Variants in REV3L observed in about 807,000 individuals in gnomAD.
The protein encoded by REV3L is DNA polymerase zeta catalytic subunit.
In REV3L, 69 loss-of-function variants were observed where a neutral mutation model predicts 299.4. The ratio of observed to expected loss-of-function variants is 0.23; its 90% confidence interval spans 0.19 to 0.28. The LOEUF (loss-of-function observed/expected upper bound fraction) is 0.28. Ranked by LOEUF, REV3L falls within the 10% of genes least tolerant of loss-of-function variation. The pLI is 1.00. For synonymous variants in REV3L, 1,238 were observed against 1,271.4 expected (o/e 0.97, Z 0.56); for missense variants, 3,128 against 3,693.8 (o/e 0.85, Z 3.97).
chr6:111,315,178 A>T, intron 27 of REV3L, 89 bp downstream of exon 27: 2 of 1,058,036 alleles, frequency 1.9e-6, no homozygotes, highest in Non-Finnish European at 2.8e-6. Flanking sequence ...GTATACTGTT[A>T]GTGATTCTGA....
At chr6:111,401,358 G>T (rs1582852606) in intron 4 of REV3L, among the ~76,000 whole-genome samples, 1 of 152,070 alleles carries the variant, frequency 6.6e-6, no homozygotes, top group East Asian at 1.9e-4. Flanking sequence ...AGTCATTATG[G>T]AGAAAAAGCC....
intron 1 of REV3L, among the ~76,000 whole-genome samples, chr6:111,424,655 T>G (rs1405873056): frequency 6.6e-6 from 1 of 152,160 alleles, no homozygotes; most frequent in African/African-American, 2.4e-5. Flanking sequence ...CGGAACCCAT[T>G]TGGAGCTCCT....
chr6:111,392,774 CCAATA>C (rs1169280863), intron 5 of REV3L, 97 bp downstream of exon 5: 1 of 699,502 alleles, frequency 1.4e-6, no homozygotes, highest in African/African-American at 1.8e-5. Flanking sequence ...TTAAAAAGAT[CCAATA>C]CAATAAAAGG....
At position 111,373,893 on chromosome 6, in the gene REV3L, G is replaced by A. The variant is rs369507380; in HGVS notation, c.4462C>T (p.Pro1488Ser). Residue 1488 changes from proline (P) to serine (S), a missense_variant, in exon 13 of 32, where the codon CCT (proline) becomes TCT (serine). Pro to Ser is a moderately conservative substitution (Grantham distance 74). This residue lies in a region of REV3L where 2,409 missense variants were observed against 2,611.8 expected (regional missense o/e 0.92). Coordinates refer to ENST00000368802, the MANE Select transcript of REV3L (RefSeq NM_001372078.1). ...AACGACCTCGGTTTTACTCTTTCAG[G>A]TTTAAAATTTGACATATCTAAAATA... ...GFILDMSNFK[P>S]ERVKPRSLSE... is the part of the protein sequence containing the mutation. 16 of 1,613,908 alleles carry A rather than the reference G, an allele frequency of 9.9e-6. No homozygotes were observed. The African/African-American group carries it at 1.9e-4, about 19-fold the overall frequency.
chr6:111,360,794 A>G (rs1778575196), intron 16 of REV3L: 1 of 152,074 alleles, frequency 6.6e-6, no homozygotes, highest in African/African-American at 2.4e-5. Flanking sequence ...ACTTTTTAAA[A>G]TATAAAGAAC....
At chr6:111,308,272 C>A (rs1241396479) in intron 30 of REV3L, 1 of 453,782 alleles carries the variant, frequency 2.2e-6, no homozygotes, top group African/African-American at 2.0e-5. Flanking sequence ...TTAGGTTAGC[C>A]TCTTACAAAT....
intron 23 of REV3L, among the ~76,000 whole-genome samples, chr6:111,332,123 G>C (rs772963807): frequency 6.6e-6 from 1 of 152,228 alleles, no homozygotes; most frequent in Non-Finnish European, 1.5e-5. Context: ...CCAGGCTGGA[G>C]TGCAGTGGCG....
In REV3L at chr6:111,406,598, A is replaced by T. The variant is rs182324511; in HGVS notation, c.405-968T>A. The stretch of plus-strand genomic sequence containing the variant: ...GGGGTGAAATGATCAGGCCTTGATG[A>T]CTAACTAGATGTGAAGGGTGAGACA... On this transcript the variant is annotated intron_variant, in intron 3 of 31. Transcript: ENST00000368802. 1.9e-3 allele frequency among the ~76,000 whole-genome samples: 292 copies of T among 152,272 alleles called. 1 individual carries two copies. Among genetic ancestry groups the T allele is most frequent in the African/African-American group, 6.6e-3 (276 of 41,556 alleles).
chr6:111,376,084 C>T lies in REV3L; in HGVS notation c.2271G>A (p.Val757=). Residue 757 remains valine, a synonymous_variant, in exon 13 of 32, where the codon GTG becomes GTA. Coordinates refer to ENST00000368802, the MANE Select transcript of REV3L (RefSeq NM_001372078.1). ...LSCSGENRTM[V]HSLNSTADES... ...CATCAGCAGTGCTATTAAGAGAATG[C>T]ACCATAGTTCTATTCTCCCCTGAGC... The T allele has an allele frequency of 6.2e-7, 1 of 1,613,558 alleles. No individual in the cohort carries two copies.
intron 28 of REV3L, chr6:111,312,252 AAT>A (rs1440833015): frequency 6.6e-6 from 1 of 152,168 alleles, no homozygotes; most frequent in Non-Finnish European, 1.5e-5. Flanking sequence ...CTCTTCCAGA[AAT>A]AGTGCTGAAA....
In REV3L at chr6:111,375,427, TATG is replaced by T. The variant is rs1449473767; in HGVS notation, c.2925_2927del (p.Ile976del). 1 of 1,599,650 alleles carries T rather than the reference TATG, an allele frequency of 6.3e-7. No individual in the cohort carries two copies. The highest frequency in any genetic ancestry group is 1.4e-5 in the African/African-American group (1 of 73,692). ...TAAATCTATTAATAATAATATACTT[TATG>T]ATGACAGGGGGCAGCTTTTTAGACA... is the stretch of plus-strand genomic sequence containing the variant. On this transcript the variant is annotated inframe_deletion, in exon 13 of 32. Coordinates refer to ENST00000368802, the MANE Select transcript of REV3L (RefSeq NM_001372078.1).
intron 31 of REV3L, among the ~76,000 whole-genome samples, chr6:111,306,419 G>T (rs1011558788): frequency 6.6e-6 from 1 of 152,146 alleles, no homozygotes; most frequent in Non-Finnish European, 1.5e-5. Flanking sequence ...AGCAGGTAGG[G>T]ACAGAACGGA....
At chr6:111,378,697 A>G (rs1444271093) in intron 11 of REV3L, among the ~76,000 whole-genome samples, 2 of 151,996 alleles carry the variant, frequency 1.3e-5, no homozygotes, top group Non-Finnish European at 2.9e-5. Flanking sequence ...TAATACACAA[A>G]CTCTTTCAAC....
chr6:111,447,474 G>A (rs1320857723), intron 1 of REV3L, among the ~76,000 whole-genome samples: 1 of 152,136 alleles, frequency 6.6e-6, no homozygotes, highest in Admixed American at 6.5e-5. Flanking sequence ...ATTAATTTTC[G>A]TCAAAGTCTA....
At chr6:111,463,759 T>A (rs1336992212) in intron 1 of REV3L, among the ~76,000 whole-genome samples, 1 of 152,218 alleles carries the variant, frequency 6.6e-6, no homozygotes, top group African/African-American at 2.4e-5. Context: ...TTTCATTATA[T>A]GTGATTTCAC....
At chr6:111,422,665 T>TATATATATATATACATATATATATACAC (rs1562287965) in intron 1 of REV3L, among the ~76,000 whole-genome samples, 1 of 37,454 alleles carries the variant, frequency 2.7e-5, no homozygotes, top group African/African-American at 5.8e-5. Context: ...TATATATACA[T>TATATATATATATACATATATATATACAC]ATATATATAT....
chr6:111,316,679 A>AAAAAAAAAAG (rs1773564146), intron 26 of REV3L, among the ~76,000 whole-genome samples: 4 of 149,684 alleles, frequency 2.7e-5, no homozygotes, highest in African/African-American at 9.8e-5. Flanking sequence ...AAAAAAAAAG[A>AAAAAAAAAAG]AAAAAAAAAG....
chr6:111,396,860 G>A (rs1782564336), intron 4 of REV3L, among the ~76,000 whole-genome samples: 1 of 152,016 alleles, frequency 6.6e-6, no homozygotes, highest in South Asian at 2.1e-4. Flanking sequence ...GTTCAATCTT[G>A]GTATGCTGTA....
intron 1 of REV3L, among the ~76,000 whole-genome samples, chr6:111,423,122 T>A (rs1785763725): frequency 6.6e-6 from 1 of 150,794 alleles, no homozygotes; most frequent in South Asian, 2.1e-4. Flanking sequence ...TGTTTGGTGC[T>A]AAACCATAGG....
Sources: allele counts gnomAD v4.1 joint callset (sites outside exome capture counted in the v4.1 genomes callset), GRCh38; gene constraint gnomAD v4.1.1; regional missense constraint gnomAD v4.1.1; transcripts MANE v1.5; gene names NCBI Gene and HGNC (gene_info 2026-07-23, HGNC 2026-07-21).